Variants in BRD4 observed in about 807,000 individuals in gnomAD.
The protein encoded by BRD4 is bromodomain-containing protein 4.
In BRD4, 16 loss-of-function variants were observed where a neutral mutation model predicts 142.1. That is an observed-to-expected ratio of 0.11 (90% CI 0.08 to 0.17). The LOEUF (loss-of-function observed/expected upper bound fraction) is 0.17, where lower values mean the gene tolerates loss of function less well. BRD4 is among the 10% of genes least tolerant of loss of function. The probability of loss-of-function intolerance (pLI) is 1.00; values close to 1 mark genes in which losing one functional copy is unlikely to be tolerated. For missense variants in BRD4, 1,424 were observed against 1,810.9 expected (o/e 0.79, Z 3.88); for synonymous variants, 833 against 707.5 (o/e 1.18, Z -2.82).
chr19:15,264,608 G>A lies in BRD4; in HGVS notation c.1008C>T (p.Pro336=), dbSNP rs200471956. Residue 336 remains proline, a synonymous_variant, in exon 6 of 20, where the codon CCC becomes CCT. Transcript: ENST00000679869. The part of the protein sequence containing the change: ...RPVKPPKKDV[P]DSQQHPAPEK... ...CTGGTGCTGGGTGCTGCTGAGAGTC[G>A]GGCACGTCCTTCTTTGGAGGTTTCA... 8.6e-5 allele frequency: 138 copies of A among 1,613,962 alleles called. 1 individual carries two copies. Among genetic ancestry groups the A allele is most frequent in the Admixed American group, 3.3e-5 (2 of 59,994 alleles).
chr19:15,290,232 T>A (rs28477598), intron 1 of BRD4, among the ~76,000 whole-genome samples: 1,654 of 152,046 alleles, frequency 0.011, 35 homozygotes, highest in African/African-American at 0.038. Context: ...ACACCAAGAG[T>A]AAGCTGACTG....
At position 15,237,943 on chromosome 19, in the gene BRD4, G is replaced by A. The variant is rs199535844; in HGVS notation, c.*434C>T. The A allele has an allele frequency of 9.5e-5, 23 of 242,204 alleles. No individual in the cohort carries two copies. Among genetic ancestry groups the A allele is most frequent in the Admixed American group, 5.4e-5 (1 of 18,424 alleles). The allele number at this position is 242,204 out of a possible 1,614,324, so 15.0% of individuals were successfully genotyped here. A position where few individuals can be genotyped will look rare whatever the true frequency, so the allele number is the denominator to read the frequency against. On this transcript the variant is annotated 3_prime_UTR_variant, in exon 20 of 20. Coordinates refer to ENST00000679869, the MANE Select transcript of BRD4 (RefSeq NM_001379291.1). ...GGCCTCCTGGGAGCGGGCGGCGATG[G>A]CTGGGGTGTGGGGAAAGACTCCCGG...
chr19:15,240,551 C>T (rs1161559449), intron 14 of BRD4, among the ~76,000 whole-genome samples: 1 of 152,192 alleles, frequency 6.6e-6, no homozygotes, highest in Non-Finnish European at 1.5e-5. Context: ...TCAGCCTGCA[C>T]GCCCCCACGG....
intron 11 of BRD4, among the ~76,000 whole-genome samples, chr19:15,252,121 G>A (rs2047354270): frequency 6.6e-6 from 1 of 152,158 alleles, no homozygotes; most frequent in Admixed American, 6.5e-5. Context: ...GGGGTGTGGG[G>A]CACTCGTTCA....
At chr19:15,290,387 T>C (rs2047773007) in intron 1 of BRD4, among the ~76,000 whole-genome samples, 1 of 152,166 alleles carries the variant, frequency 6.6e-6, no homozygotes, top group South Asian at 2.1e-4. Flanking sequence ...AAAACAGAAA[T>C]AGAATTTGTT....
chr19:15,247,557 CGT>C, intron 11 of BRD4: 2 of 233,078 alleles, frequency 8.6e-6, no homozygotes, highest in Non-Finnish European at 1.7e-5. Flanking sequence ...CATGTGCACA[CGT>C]GTGTGCGCGT....
intron 11 of BRD4, among the ~76,000 whole-genome samples, chr19:15,245,354 G>A (rs2047276385): frequency 1.3e-5 from 2 of 152,016 alleles, no homozygotes; most frequent in Non-Finnish European, 1.5e-5. Context: ...GAACATATCG[G>A]CAAGGGAAAA....
chr19:15,248,848 G>C (rs1474020718), intron 11 of BRD4: 1 of 312,904 alleles, frequency 3.2e-6, no homozygotes, highest in Non-Finnish European at 6.0e-6. Flanking sequence ...AGGTTCAGGA[G>C]GGAAGTAGTT....
Position 15,243,442 on chromosome 19 carries a change from C to T in BRD4, c.2627G>A (p.Arg876Gln), listed in dbSNP as rs1324947209. The T allele has an allele frequency of 5.1e-6, 8 of 1,574,648 alleles. No individual in the cohort carries two copies. Among genetic ancestry groups the T allele is most frequent in the African/African-American group, 2.7e-5 (2 of 73,512 alleles). Residue 876 changes from arginine (R) to glutamine (Q), a missense_variant, in exon 14 of 20, where the codon CGA (arginine) becomes CAA (glutamine). By Grantham distance (43) the Arg-to-Gln change is conservative. Around this residue, in one of 16 missense-constraint regions of BRD4, gnomAD observed 598 missense variants for 647.8 expected, o/e 0.92. Coordinates refer to ENST00000679869, the MANE Select transcript of BRD4 (RefSeq NM_001379291.1). ...GGGCTTGGGAGGCAGGGCAGCGGCT[C>T]GGTTGCTGGGCCGTGATGGCTGCTG... ...LPQQPSRPSN[R>Q]AAALPPKPAR...
intron 1 of BRD4, among the ~76,000 whole-genome samples, chr19:15,317,328 G>C (rs1202553635): frequency 6.6e-6 from 1 of 152,210 alleles, no homozygotes; most frequent in Non-Finnish European, 1.5e-5. Context: ...AGGGTCTGGG[G>C]AGGGCAATGT....
rs750111835 is a variant in BRD4, at chr19:15,253,718, C to A, written c.2158+434G>T. 3.1e-6 allele frequency: 5 copies of A among 1,598,316 alleles called. No homozygotes were observed. In the African/African-American group the frequency reaches 6.7e-5, roughly 21 times the overall value. On this transcript the variant is annotated intron_variant, in intron 11 of 19. Coordinates refer to ENST00000679869, the MANE Select transcript of BRD4 (RefSeq NM_001379291.1). ...CAGCGAAGCATCTCCCTGAAGCGGC[C>A]GCACTGCACGTGACTGTGATACGGG...
intron 7 of BRD4, among the ~76,000 whole-genome samples, chr19:15,261,811 A>G (rs897471057): frequency 8.0e-4 from 122 of 152,320 alleles, no homozygotes; most frequent in African/African-American, 2.8e-3. Flanking sequence ...ATGGTGGCAC[A>G]CGCTTGCTGT....
Position 15,264,412 on chromosome 19 carries a change from T to C in BRD4, c.1204A>G (p.Thr402Ala). 6.2e-7 allele frequency: 1 copy of C among 1,602,150 alleles called. No homozygotes were observed. The highest frequency in any genetic ancestry group is 8.5e-7 in the Non-Finnish European group (1 of 1,171,304). The change falls in exon 6 of 20, where the codon ACA (threonine) becomes GCA (alanine). Residue 402 changes from threonine (T) to alanine (A), a missense_variant. Thr to Ala is a moderately conservative substitution (Grantham distance 58, BLOSUM62 0). Transcript: ENST00000679869. The stretch of plus-strand genomic sequence containing the variant: ...AGGCACATCCCGCTAACCTTGATTG[T>C]GCTCATGTCCATGGGGTGCTTGATG... Reference protein sequence around the residue: ...DIIKHPMDMSTIKSKLEAREY... With the variant: ...DIIKHPMDMSAIKSKLEAREY...
At chr19:15,291,113 ATG>A (rs764505963) in intron 1 of BRD4, among the ~76,000 whole-genome samples, 3 of 152,104 alleles carry the variant, frequency 2.0e-5, no homozygotes, top group Non-Finnish European at 4.4e-5. Flanking sequence ...TGTTCCTAAC[ATG>A]TGTCTACTGG....
chr19:15,329,080 CT>C (rs999954374), intron 1 of BRD4, among the ~76,000 whole-genome samples: 618 of 143,326 alleles, frequency 4.3e-3, no homozygotes, highest in Admixed American at 3.9e-3. Flanking sequence ...GCGCATTCTG[CT>C]TTTTTTTTTT....
At chr19:15,277,992 G>T (rs2047666047) in intron 1 of BRD4, among the ~76,000 whole-genome samples, 1 of 151,202 alleles carries the variant, frequency 6.6e-6, no homozygotes, top group Non-Finnish European at 1.5e-5. Context: ...TGTAGTCCCA[G>T]CTACTTGGGA....
chr19:15,273,989 CTT>C (rs1224348615), intron 1 of BRD4, among the ~76,000 whole-genome samples: 1 of 152,104 alleles, frequency 6.6e-6, no homozygotes, highest in Non-Finnish European at 1.5e-5. Context: ...ATTACACAAA[CTT>C]TTTTTGTAAA....
chr19:15,293,614 G>A (rs748682296), intron 1 of BRD4, among the ~76,000 whole-genome samples: 7 of 152,172 alleles, frequency 4.6e-5, no homozygotes, highest in Non-Finnish European at 5.9e-5. Flanking sequence ...CTAGCGACCC[G>A]GAAGGGGTAA....
chr19:15,277,982 T>G (rs1284671640), intron 1 of BRD4, among the ~76,000 whole-genome samples: 1 of 151,378 alleles, frequency 6.6e-6, no homozygotes, highest in Non-Finnish European at 1.5e-5. Flanking sequence ...AGCGGGCGCC[T>G]GTAGTCCCAG....
Sources: allele counts gnomAD v4.1 joint callset (sites outside exome capture counted in the v4.1 genomes callset), GRCh38; gene constraint gnomAD v4.1.1; regional missense constraint gnomAD v4.1.1; transcripts MANE v1.5; gene names NCBI Gene and HGNC (gene_info 2026-07-23, HGNC 2026-07-21).